Variants in LITAF observed in about 807,000 individuals in gnomAD.
The protein encoded by LITAF is lipopolysaccharide induced TNF factor, also known as lipopolysaccharide-induced tumor necrosis factor-alpha factor.
LITAF carries 9 observed loss-of-function variants against 14.5 expected under a neutral mutation model. The ratio of observed to expected loss-of-function variants is 0.62; its 90% CI spans 0.37 to 1.08. The LOEUF is 1.08. Among genes scored for constraint, LITAF ranks in the 50% least tolerant of loss-of-function variants. The pLI is 0.01. For missense variants in LITAF, 206 were observed against 213.4 expected, an observed-to-expected ratio of 0.97 and a Z score of 0.22; for synonymous variants, 98 against 88.2, an observed-to-expected ratio of 1.11 and a Z score of -0.62.
At chr16:11,599,305 A>C (rs1042490383), upstream of LITAF, among the ~76,000 whole-genome samples, 1 of 151,912 alleles carries the variant, frequency 6.6e-6, no homozygotes, top group South Asian at 2.1e-4. Context: ...TTTAGTAGAG[A>C]CGGGGTTTCA....
At chr16:11,577,231 C>T (rs892146363) in intron 1 of LITAF, among the ~76,000 whole-genome samples, 1 of 152,144 alleles carries the variant, frequency 6.6e-6, no homozygotes, top group Non-Finnish European at 1.5e-5. Context: ...GACATCCTTG[C>T]ACAGCTGAGG....
chr16:11,622,385 C>T (rs1005335488), intron 3 of LITAF, among the ~76,000 whole-genome samples: 1 of 152,268 alleles, frequency 6.6e-6, no homozygotes, highest in Non-Finnish European at 1.5e-5. Flanking sequence ...GCCTGCCTGA[C>T]ATCTGAGCTC....
At chr16:11,637,144 G>C (rs1413186479), upstream of LITAF, among the ~76,000 whole-genome samples, 1 of 152,162 alleles carries the variant, frequency 6.6e-6, no homozygotes, top group East Asian at 1.9e-4. Context: ...GCCCACCTCG[G>C]CCTCCCACAG....
chr16:11,612,200 GC>G (rs1258310560), intron 3 of LITAF, among the ~76,000 whole-genome samples: 1 of 152,210 alleles, frequency 6.6e-6, no homozygotes, highest in Non-Finnish European at 1.5e-5. Context: ...GCTCAGGACA[GC>G]CAACCATGTG....
chr16:11,569,222 C>A (rs892124136), intron 1 of LITAF, among the ~76,000 whole-genome samples: 4 of 152,134 alleles, frequency 2.6e-5, no homozygotes, highest in Non-Finnish European at 4.4e-5. Context: ...ACAGGCTGGA[C>A]ATCTCTGCCT....
intron 1 of LITAF, among the ~76,000 whole-genome samples, chr16:11,565,685 C>G (rs568366226): frequency 6.6e-6 from 1 of 152,044 alleles, no homozygotes; most frequent in African/African-American, 2.4e-5. Flanking sequence ...CCAGGATGCA[C>G]TGGTGCCCCT....
chr16:11,602,191 T>C (rs1006535264), upstream of LITAF, among the ~76,000 whole-genome samples: 3 of 152,050 alleles, frequency 2.0e-5, no homozygotes, highest in African/African-American at 7.2e-5. Context: ...ACCCTGTCTC[T>C]ACCAAAAATA....
intron 3 of LITAF, among the ~76,000 whole-genome samples, chr16:11,631,954 C>T (rs534065459): frequency 6.6e-6 from 1 of 151,780 alleles, no homozygotes; most frequent in South Asian, 2.1e-4. Context: ...GCAATCTCTG[C>T]CTCCCTGCTT....
At chr16:11,562,105 G>C (rs1003216594) in intron 1 of LITAF, among the ~76,000 whole-genome samples, 1 of 151,552 alleles carries the variant, frequency 6.6e-6, no homozygotes, top group Admixed American at 6.6e-5. Flanking sequence ...ATTTTACTTA[G>C]AGACAGGGTC....
chr16:11,579,683 T>C (rs1389579219), intron 1 of LITAF, among the ~76,000 whole-genome samples: 2 of 152,138 alleles, frequency 1.3e-5, no homozygotes, highest in Non-Finnish European at 2.9e-5. Flanking sequence ...CTGTGTGATG[T>C]AAGATGTGAA....
chr16:11,633,322 AT>A (rs2065126224), intron 3 of LITAF, among the ~76,000 whole-genome samples: 1 of 152,024 alleles, frequency 6.6e-6, no homozygotes, highest in African/African-American at 2.4e-5. Context: ...CCCTCACCTC[AT>A]TTGCAAATAG....
chr16:11,623,666 A>C (rs2065065096), intron 3 of LITAF, among the ~76,000 whole-genome samples: 1 of 151,092 alleles, frequency 6.6e-6, no homozygotes, highest in Non-Finnish European at 1.5e-5. Context: ...TCTCAAAAAA[A>C]AAAAAGGATC....
At chr16:11,570,521 C>T (rs1384413238) in intron 1 of LITAF, among the ~76,000 whole-genome samples, 2 of 152,118 alleles carry the variant, frequency 1.3e-5, no homozygotes, top group African/African-American at 4.8e-5. Context: ...GCAGTGTGGG[C>T]GACAGAATAA....
rs745828676 is a variant in LITAF at position 11,556,506 on chromosome 16, C to A, written c.220+5G>T. ...GGTAAGGGGGGCCTGGGAGGCCACA[C>A]GTACTTGGATTGTTATTGGGGATGG... On this transcript the variant is annotated splice_donor_5th_base_variant and intron_variant, in intron 2 of 3. Transcript: ENST00000622633. 6.2e-7 allele frequency: 1 copy of A among 1,610,730 alleles called. No homozygotes were observed. The highest frequency in any genetic ancestry group is 1.3e-5 in the African/African-American group (1 of 74,854).
intron 3 of LITAF, among the ~76,000 whole-genome samples, chr16:11,633,277 C>T (rs911051538): frequency 3.3e-5 from 5 of 152,192 alleles, no homozygotes; most frequent in African/African-American, 1.2e-4. Context: ...CTCAGCTCTG[C>T]AACCTCAGGC....
At chr16:11,635,014 T>G (rs60466080) in intron 2 of LITAF, among the ~76,000 whole-genome samples, 8,558 of 151,230 alleles carry the variant, frequency 0.057, 829 homozygotes, top group African/African-American at 0.2. Flanking sequence ...AGCCTGGGCA[T>G]CACAGTGAGA....
At chr16:11,593,862 G>A (rs762019538) in intron 1 of LITAF, among the ~76,000 whole-genome samples, 19 of 152,222 alleles carry the variant, frequency 1.2e-4, no homozygotes, top group Non-Finnish European at 2.1e-4. Context: ...CCAAGAGTAT[G>A]AGGTTTCTTT....
At chr16:11,561,085 G>T (rs940930740) in intron 1 of LITAF, 3 of 152,150 alleles carry the variant, frequency 2.0e-5, no homozygotes, top group Non-Finnish European at 4.4e-5. Context: ...AGGACTCGCC[G>T]TCACAGCCCC....
chr16:11,568,074 G>A (rs184821445), intron 1 of LITAF, among the ~76,000 whole-genome samples: 3 of 152,134 alleles, frequency 2.0e-5, no homozygotes, highest in Non-Finnish European at 4.4e-5. Context: ...GATGGCATGA[G>A]CCCAGGAGTT....
Sources: allele counts gnomAD v4.1 joint callset (sites outside exome capture counted in the v4.1 genomes callset), GRCh38; gene constraint gnomAD v4.1.1; transcripts MANE v1.5; gene names NCBI Gene and HGNC (gene_info 2026-07-23, HGNC 2026-07-21).